Variants in TMEM178B observed in about 807,000 individuals in gnomAD.
The protein encoded by TMEM178B is transmembrane protein 178B.
TMEM178B carries 5 observed loss-of-function variants against 31.0 expected under a neutral mutation model. The observed-to-expected ratio is 0.16, with a 90% CI of 0.08 to 0.34. The LOEUF is 0.34. Ranked by LOEUF, TMEM178B falls within the 10% of genes least tolerant of loss-of-function variation. The probability of loss-of-function intolerance (pLI) is 1.00; values close to 1 mark genes in which losing one functional copy is unlikely to be tolerated. For synonymous variants in TMEM178B, 164 were observed against 164.0 expected (o/e 1.00, Z 0.00); for missense variants, 275 against 400.3 (o/e 0.69, Z 2.67).
rs889051887 is a variant in TMEM178B at position 141,314,496 on chromosome 7, C to G, written c.496+101792C>G. Reference sequence around the variant, plus strand: ...GGTTGCTTATATCAGTGCTCTCCTTCCACCACATACTCATTCCTCCTCCCA... The same window carrying G: ...GGTTGCTTATATCAGTGCTCTCCTTGCACCACATACTCATTCCTCCTCCCA... On this transcript the variant is annotated intron_variant, in intron 2 of 3. Transcript: ENST00000565468. Among the ~76,000 whole-genome samples, 3 of 152,262 alleles carry G rather than the reference C, an allele frequency of 2.0e-5. No homozygotes were observed. The South Asian group carries it at 6.2e-4, about 32-fold the overall frequency.
rs1055356968 is a variant in TMEM178B at position 141,374,916 on chromosome 7, C to T, written c.497-62692C>T. On this transcript the variant is annotated intron_variant, in intron 2 of 3. Transcript: ENST00000565468. Reference sequence around the variant, plus strand: ...TGCATTTACAAAATCCCAGGGCACACGACACCTTCTGCATCCTCTTCAGTA... The same window carrying T: ...TGCATTTACAAAATCCCAGGGCACATGACACCTTCTGCATCCTCTTCAGTA... Among the ~76,000 whole-genome samples, 20 of 152,216 alleles carry T rather than the reference C, an allele frequency of 1.3e-4. No homozygotes were observed. In the East Asian group the frequency reaches 1.5e-3, roughly 12 times the overall value.
At chr7:141,199,160 TG>T (rs891459557) in intron 1 of TMEM178B, among the ~76,000 whole-genome samples, 8 of 152,220 alleles carry the variant, frequency 5.3e-5, no homozygotes. Flanking sequence ...AAAAATGTCT[TG>T]TTCAAAACAT....
chr7:141,127,138 C>A (rs1000916192), intron 1 of TMEM178B, among the ~76,000 whole-genome samples: 1 of 152,128 alleles, frequency 6.6e-6, no homozygotes, highest in Admixed American at 6.5e-5. Context: ...AATAGTGTCC[C>A]TACCTCTTGG....
intron 2 of TMEM178B, among the ~76,000 whole-genome samples, chr7:141,384,645 A>G (rs1328150470): frequency 1.3e-5 from 2 of 152,196 alleles, no homozygotes; most frequent in African/African-American, 4.8e-5. Flanking sequence ...GAAGTCAGGT[A>G]GCGTGATGCC....
intron 1 of TMEM178B, among the ~76,000 whole-genome samples, chr7:141,086,064 T>A (rs1178000392): frequency 6.6e-6 from 1 of 152,106 alleles, no homozygotes; most frequent in Non-Finnish European, 1.5e-5. Flanking sequence ...TGAGACCGAG[T>A]CTTACTCTGT....
chr7:141,275,130 A>G (rs899506944), intron 2 of TMEM178B, among the ~76,000 whole-genome samples: 2 of 152,200 alleles, frequency 1.3e-5, no homozygotes, highest in African/African-American at 4.8e-5. Context: ...AAAGACTGGG[A>G]GAACTATTTG....
intron 2 of TMEM178B, among the ~76,000 whole-genome samples, chr7:141,413,130 C>T (rs537439761): frequency 1.9e-4 from 29 of 152,332 alleles, no homozygotes; most frequent in African/African-American, 6.5e-4. Flanking sequence ...CTATGCGCCA[C>T]TCACAGTGCC....
At chr7:141,106,474 C>A (rs911198793) in intron 1 of TMEM178B, among the ~76,000 whole-genome samples, 7 of 152,126 alleles carry the variant, frequency 4.6e-5, no homozygotes, top group African/African-American at 1.7e-4. Flanking sequence ...CCACACCCAC[C>A]CTTCATTTCC....
At chr7:141,177,497 CT>C (rs1312435517) in intron 1 of TMEM178B, among the ~76,000 whole-genome samples, 1 of 152,080 alleles carries the variant, frequency 6.6e-6, no homozygotes, top group African/African-American at 2.4e-5. Flanking sequence ...CCTGGATATC[CT>C]TTTTAATTTT....
At chr7:141,511,125 G>C in the TMEM178B span, among the ~76,000 whole-genome samples, 2 of 151,592 alleles carry the variant, frequency 1.3e-5, no homozygotes, top group Non-Finnish European at 2.9e-5. Flanking sequence ...ACAGGCTTGG[G>C]ATGGAGTTTG....
At chr7:141,103,622 A>G (rs1272605012) in intron 1 of TMEM178B, among the ~76,000 whole-genome samples, 2 of 152,136 alleles carry the variant, frequency 1.3e-5, no homozygotes, top group African/African-American at 2.4e-5. Flanking sequence ...GACTGAGTGA[A>G]TTTTTAACAT....
chr7:141,265,580 A>G (rs764247436), intron 2 of TMEM178B, among the ~76,000 whole-genome samples: 3 of 152,182 alleles, frequency 2.0e-5, no homozygotes, highest in Non-Finnish European at 2.9e-5. Context: ...AGCATCTAGC[A>G]TAGTACGTGG....
Position 141,209,350 on chromosome 7 carries a change from G to A in TMEM178B, c.383-3241G>A, listed in dbSNP as rs574360610. Among the ~76,000 whole-genome samples the A allele has an allele frequency of 8.5e-5, 13 of 152,278 alleles. No individual in the cohort carries two copies. The South Asian group carries it at 2.7e-3, about 32-fold the overall frequency. On this transcript the variant is annotated intron_variant, in intron 1 of 3. Transcript: ENST00000565468. The stretch of plus-strand genomic sequence containing the variant: ...ATAAGCCTCTCCTTGTATTGTCCAG[G>A]CAGGGAAGAGGTATTTGCTATAGAC...
intron 2 of TMEM178B, among the ~76,000 whole-genome samples, chr7:141,289,763 A>G (rs903036110): frequency 6.6e-6 from 1 of 151,826 alleles, no homozygotes. Context: ...AGGAGAATGC[A>G]TCAAGGTGCA....
intron 2 of TMEM178B, among the ~76,000 whole-genome samples, chr7:141,379,304 TAA>T (rs571004013): frequency 4.7e-5 from 6 of 128,490 alleles, no homozygotes; most frequent in Non-Finnish European, 5.1e-5. Flanking sequence ...CCTGTTTTTC[TAA>T]AAAAAAAAAA....
rs1414637512 is a variant in TMEM178B, at chr7:141,422,906, C to T, written c.497-14702C>T. The stretch of plus-strand genomic sequence containing the variant: ...AGATCGGGGCACTTTGTAGCAAGCT[C>T]TACACAAGGTCTCACGCCTCTCTTT... On this transcript the variant is annotated intron_variant, in intron 2 of 3. Coordinates refer to ENST00000565468, the MANE Select transcript of TMEM178B (RefSeq NM_001195278.2). The surrounding 1 kb of genome is among the most constrained non-coding windows in gnomAD (Gnocchi z 4.2). Among the ~76,000 whole-genome samples the T allele has an allele frequency of 6.6e-6, 1 of 152,214 alleles. No individual in the cohort carries two copies. The highest frequency in any genetic ancestry group is 6.5e-5 in the Admixed American group (1 of 15,286).
chr7:141,266,837 A>G (rs1798102138), intron 2 of TMEM178B, among the ~76,000 whole-genome samples: 1 of 152,264 alleles, frequency 6.6e-6, no homozygotes, highest in African/African-American at 2.4e-5. Flanking sequence ...TAACTGAGAT[A>G]GGAGAGGACA....
chr7:141,306,696 C>T (rs1214150547), intron 2 of TMEM178B, among the ~76,000 whole-genome samples: 1 of 151,586 alleles, frequency 6.6e-6, no homozygotes, highest in East Asian at 1.9e-4. Flanking sequence ...CTTCTAAAAG[C>T]CTCGTCTTTG....
At chr7:141,286,388 AG>A (rs1323220776) in intron 2 of TMEM178B, among the ~76,000 whole-genome samples, 1 of 152,160 alleles carries the variant, frequency 6.6e-6, no homozygotes, top group Admixed American at 6.5e-5. Context: ...TTTTCTTCCT[AG>A]TCTAGTGTTT....
Sources: gnomAD v4.1 joint callset for allele counts (sites outside exome capture counted in the v4.1 genomes callset) on GRCh38, gnomAD v4.1.1 for gene constraint, Gnocchi (gnomAD v3.1) non-coding constraint, MANE v1.5 for transcripts, NCBI Gene and HGNC (gene_info 2026-07-23, HGNC 2026-07-21) for gene names.